GRID2: variants seen among roughly 807,000 people sequenced by gnomAD.
GRID2 encodes glutamate ionotropic receptor delta type subunit 2, also known as glutamate receptor ionotropic, delta-2.
A neutral mutation model predicts 114.8 loss-of-function variants in GRID2; 33 were observed. That is an observed-to-expected ratio of 0.29 (90% confidence interval 0.22 to 0.38). The LOEUF (loss-of-function observed/expected upper bound fraction) is 0.38. Among genes scored for constraint, GRID2 ranks in the 10% least tolerant of loss-of-function variants. The pLI, the probability that GRID2 is intolerant of heterozygous loss-of-function variation, is 1.00. For synonymous variants in GRID2, 505 were observed against 449.9 expected (o/e 1.12, Z -1.55); for missense variants, 1,184 against 1,257.7 (o/e 0.94, Z 0.89).
At chr4:93,572,950 G>A (rs539415509) in intron 13 of GRID2, among the ~76,000 whole-genome samples, 6 of 152,130 alleles carry the variant, frequency 3.9e-5, no homozygotes, top group South Asian at 4.2e-4. Context: ...ATTTAACTGC[G>A]AAATATATAA....
chr4:92,929,513 C>T (rs368433119), intron 2 of GRID2, among the ~76,000 whole-genome samples: 11 of 151,170 alleles, frequency 7.3e-5, no homozygotes, highest in East Asian at 5.8e-4. Flanking sequence ...ATGCATTTTT[C>T]GCACCACAGA....
chr4:92,726,967 G>C (rs755637775), intron 2 of GRID2, among the ~76,000 whole-genome samples: 14 of 151,966 alleles, frequency 9.2e-5, no homozygotes, highest in Non-Finnish European at 1.8e-4. Flanking sequence ...AAAAATGAAA[G>C]AAATTAGCAT....
intron 2 of GRID2, among the ~76,000 whole-genome samples, chr4:92,847,171 A>T (rs1366497248): frequency 6.6e-6 from 1 of 152,072 alleles, no homozygotes; most frequent in East Asian, 1.9e-4. Context: ...AGCCATTGTC[A>T]GTGTTGCAAA....
At chr4:92,612,252 T>C (rs1729791203) in intron 2 of GRID2, among the ~76,000 whole-genome samples, 1 of 151,508 alleles carries the variant, frequency 6.6e-6, no homozygotes, top group South Asian at 2.1e-4. Context: ...TTGGCACTTT[T>C]GTTGATAGTA....
intron 2 of GRID2, among the ~76,000 whole-genome samples, chr4:92,677,760 G>T (rs1275470586): frequency 3.3e-5 from 5 of 151,928 alleles, no homozygotes; most frequent in African/African-American, 4.8e-5. Context: ...CTTCTACCCT[G>T]TTCCAAAGTG....
At chr4:93,652,514 A>G (rs1043483497) in intron 14 of GRID2, among the ~76,000 whole-genome samples, 1 of 152,116 alleles carries the variant, frequency 6.6e-6, no homozygotes, top group African/African-American at 2.4e-5. Context: ...GTATAGTAAC[A>G]TGCAGTACAG....
At chr4:92,807,119 T>C (rs1019965392) in intron 2 of GRID2, among the ~76,000 whole-genome samples, 1 of 152,078 alleles carries the variant, frequency 6.6e-6, no homozygotes, top group Non-Finnish European at 1.5e-5. Context: ...TATATGATCA[T>C]GCCTCAATAT....
rs556515706 is a variant in GRID2, at chr4:93,653,186, G to A, written c.2360+26751G>A. Among the ~76,000 whole-genome samples, 40 of 152,126 alleles carry A rather than the reference G, an allele frequency of 2.6e-4. No individual in the cohort carries two copies. The South Asian group carries it at 5.2e-3, about 20-fold the overall frequency. On this transcript the variant is annotated intron_variant, in intron 14 of 15. Transcript: ENST00000282020. ...AAATGGGGGGAAAAAGTTTGGAAAC[G>A]TAAATTTGAGTTATAATAAAGGAAC...
intron 2 of GRID2, among the ~76,000 whole-genome samples, chr4:92,719,999 G>A (rs1735735712): frequency 6.6e-6 from 1 of 151,934 alleles, no homozygotes; most frequent in African/African-American, 2.4e-5. Context: ...ATAAAAAATG[G>A]CAAGTATTAT....
intron 11 of GRID2, among the ~76,000 whole-genome samples, chr4:93,483,570 T>A (rs1203544752): frequency 6.6e-6 from 1 of 151,942 alleles, no homozygotes; most frequent in Non-Finnish European, 1.5e-5. Flanking sequence ...AGAATAAGAC[T>A]TAGAATAACA....
chr4:93,649,325 T>A (rs540533718), intron 14 of GRID2, among the ~76,000 whole-genome samples: 1 of 152,274 alleles, frequency 6.6e-6, no homozygotes, highest in Non-Finnish European at 1.5e-5. Context: ...GGTAGCAGTC[T>A]TTCAGACTTT....
chr4:93,143,543 A>G (rs1299564696), intron 4 of GRID2, among the ~76,000 whole-genome samples: 1 of 152,344 alleles, frequency 6.6e-6, no homozygotes, highest in East Asian at 1.9e-4. Context: ...TCTTCAGCCA[A>G]GAAGTTTGAA....
chr4:93,212,141 C>A (rs1007210251), intron 5 of GRID2, among the ~76,000 whole-genome samples: 1 of 151,984 alleles, frequency 6.6e-6, no homozygotes, highest in Non-Finnish European at 1.5e-5. Context: ...TCAAAAGATG[C>A]AAATGCCCGT....
At chr4:93,484,175 T>TGG (rs1726145892) in intron 11 of GRID2, among the ~76,000 whole-genome samples, 1 of 151,936 alleles carries the variant, frequency 6.6e-6, no homozygotes, top group African/African-American at 2.4e-5. Context: ...GCTCAATGAA[T>TGG]TACCAGCAAT....
At chr4:93,199,976 T>A (rs1238711493) in intron 4 of GRID2, among the ~76,000 whole-genome samples, 1 of 152,182 alleles carries the variant, frequency 6.6e-6, no homozygotes, top group Non-Finnish European at 1.5e-5. Flanking sequence ...GGCCACTGTG[T>A]TTCAGACATA....
At chr4:92,968,927 C>A (rs1753327069) in intron 2 of GRID2, among the ~76,000 whole-genome samples, 1 of 151,546 alleles carries the variant, frequency 6.6e-6, no homozygotes, top group African/African-American at 2.4e-5. Flanking sequence ...CCAAAGAAAA[C>A]CATTGTTGTT....
chr4:92,373,774 G>A (rs965494335), intron 1 of GRID2, among the ~76,000 whole-genome samples: 1 of 152,014 alleles, frequency 6.6e-6, no homozygotes, highest in Non-Finnish European at 1.5e-5. Context: ...ACTTTTGTGG[G>A]TTTTACTTTG....
At chr4:92,840,654 G>T (rs1318349026) in intron 2 of GRID2, among the ~76,000 whole-genome samples, 1 of 151,942 alleles carries the variant, frequency 6.6e-6, no homozygotes, top group Non-Finnish European at 1.5e-5. Context: ...TATCCTAAAA[G>T]CTTTCATTGA....
chr4:93,082,255 T>C (rs1729935538), intron 2 of GRID2, among the ~76,000 whole-genome samples: 1 of 152,216 alleles, frequency 6.6e-6, no homozygotes, highest in Non-Finnish European at 1.5e-5. Context: ...TAAAACAATC[T>C]CAAATTGAGC....
Sources: gnomAD v4.1 joint callset for allele counts (sites outside exome capture counted in the v4.1 genomes callset) on GRCh38, gnomAD v4.1.1 for gene constraint, MANE v1.5 for transcripts, NCBI Gene and HGNC (gene_info 2026-07-23, HGNC 2026-07-21) for gene names.